Variants in GABRA3 observed in about 807,000 individuals in gnomAD.
GABRA3 encodes gamma-aminobutyric acid type A receptor subunit alpha3, also known as gamma-aminobutyric acid receptor subunit alpha-3.
GABRA3 carries 10 observed loss-of-function variants against 30.1 expected under a neutral mutation model. The observed-to-expected ratio is 0.33, with a 90% CI of 0.20 to 0.56. The LOEUF (loss-of-function observed/expected upper bound fraction) is 0.56. Ranked by LOEUF, GABRA3 falls within the 20% of genes least tolerant of loss-of-function variation. The pLI is 0.89. For synonymous variants in GABRA3, 151 were observed against 146.8 expected (o/e 1.03, Z -0.21); for missense variants, 233 against 392.0 (o/e 0.59, Z 3.42).
At chrX:152,390,117 A>G (rs1929437620) in intron 1 of GABRA3, among the ~76,000 whole-genome samples, 1 of 111,927 alleles carries the variant, frequency 8.9e-6, no homozygotes, top group Admixed American at 9.5e-5. Context: ...TGAACTTCTA[A>G]TATACAATCA....
At chrX:152,426,418 C>T (rs541532164) in intron 1 of GABRA3, among the ~76,000 whole-genome samples, 2 of 112,051 alleles carry the variant, frequency 1.8e-5, no homozygotes, top group African/African-American at 6.5e-5. Context: ...AGCACTCTTA[C>T]AATCATACTG....
intron 5 of GABRA3, among the ~76,000 whole-genome samples, chrX:152,233,146 G>A (rs1392612177): frequency 9.5e-6 from 1 of 104,816 alleles, no homozygotes; most frequent in African/African-American, 3.8e-5. Context: ...GGTTCATGAT[G>A]GGGTTGTTTG....
intron 1 of GABRA3, among the ~76,000 whole-genome samples, chrX:152,386,731 C>T (rs1286442939): frequency 9.1e-6 from 1 of 110,401 alleles, no homozygotes; most frequent in Non-Finnish European, 1.9e-5. Context: ...TTGTGGAAGT[C>T]AGTGTGGCGA....
At chrX:152,378,037 G>C (rs1412464515) in intron 1 of GABRA3, among the ~76,000 whole-genome samples, 1 of 112,242 alleles carries the variant, frequency 8.9e-6, no homozygotes, top group Non-Finnish European at 1.9e-5. Flanking sequence ...TCACATTAAT[G>C]TTTGATCCAA....
chrX:152,206,122 G>C (rs970288733), intron 7 of GABRA3, among the ~76,000 whole-genome samples: 1 of 112,678 alleles, frequency 8.9e-6, no homozygotes, highest in Non-Finnish European at 1.9e-5. Flanking sequence ...GGACAGACGG[G>C]GAGGTGAGGG....
chrX:152,411,158 A>T (rs1412325735), intron 1 of GABRA3, among the ~76,000 whole-genome samples: 1 of 110,710 alleles, frequency 9.0e-6, no homozygotes. Context: ...AAATTAAAAA[A>T]TAAGAAATCA....
chrX:152,267,180 G>C (rs11797397), intron 4 of GABRA3, among the ~76,000 whole-genome samples: 12,809 of 111,498 alleles, frequency 0.11, 584 homozygotes, highest in African/African-American at 0.15. Flanking sequence ...TTTGAGTTAT[G>C]TTCCTTCTAT....
intron 1 of GABRA3, among the ~76,000 whole-genome samples, chrX:152,397,047 G>A (rs932455823): frequency 3.6e-5 from 4 of 111,684 alleles, no homozygotes; most frequent in African/African-American, 6.5e-5. Context: ...ATAGAATCAC[G>A]CAACATATCA....
intron 5 of GABRA3, among the ~76,000 whole-genome samples, chrX:152,254,307 G>A (rs907230020): frequency 1.5e-4 from 16 of 108,977 alleles, no homozygotes; most frequent in Non-Finnish European, 2.9e-4. Context: ...CATTATATTC[G>A]CCTATCTCTT....
chrX:152,374,319 A>G (rs777940345), intron 1 of GABRA3, among the ~76,000 whole-genome samples: 1 of 98,154 alleles, frequency 1.0e-5, no homozygotes, highest in African/African-American at 3.7e-5. Context: ...ACCATTCGTC[A>G]ATTTTTTCTT....
rs766236447 is a variant in GABRA3, at chrX:152,353,347, T to C, written c.141-7645A>G. Among the ~76,000 whole-genome samples the C allele has an allele frequency of 7.1e-5, 8 of 112,086 alleles. 1 individual carries two copies. In the South Asian group the frequency reaches 2.9e-3, roughly 41 times the overall value. On this transcript the variant is annotated intron_variant, in intron 2 of 9. Coordinates refer to ENST00000370314, the MANE Select transcript of GABRA3 (RefSeq NM_000808.4). The stretch of plus-strand genomic sequence containing the variant: ...GTAGACATATGATTCCATGTGACCA[T>C]AAGCAGACATATCGCAATTTAAAAT...
chrX:152,447,837 C>T (rs1479103843), intron 1 of GABRA3, among the ~76,000 whole-genome samples: 2 of 111,658 alleles, frequency 1.8e-5, no homozygotes, highest in African/African-American at 6.5e-5. Context: ...ATTAGATGGG[C>T]AGGTAGCCTA....
rs200749137 is a variant in GABRA3 at position 152,189,740 on chromosome X, A to G, written c.1133T>C (p.Leu378Pro). ...TTTGCTATATCTCACCTTCATCTCC[A>G]GGGCCTCTGGCACCTTCTTGCCTTC... ...AWEGKKVPEA[L>P]EMKKKTPAAP... The change falls in exon 9 of 10, where the codon CTG (leucine) becomes CCG (proline). Residue 378 changes from leucine (L) to proline (P), a missense_variant. Physicochemically the swap from Leu to Pro is moderately conservative, Grantham distance 98. Around this residue, in one of 6 missense-constraint regions of GABRA3, gnomAD observed 66 missense variants for 57.1 expected, o/e 1.16. Coordinates refer to ENST00000370314, the MANE Select transcript of GABRA3 (RefSeq NM_000808.4). 1.8e-5 allele frequency: 22 copies of G among 1,200,712 alleles called. 1 individual carries two copies. The highest frequency in any genetic ancestry group is 2.5e-5 in the Non-Finnish European group (22 of 888,739).
chrX:152,221,312 A>G (rs1360509442), intron 6 of GABRA3, among the ~76,000 whole-genome samples: 1 of 106,325 alleles, frequency 9.4e-6, no homozygotes, highest in Non-Finnish European at 1.9e-5. Flanking sequence ...GTAAGAGTCA[A>G]GATGAATCTC....
chrX:152,350,141 G>T (rs1039644333), intron 2 of GABRA3, among the ~76,000 whole-genome samples: 8 of 104,764 alleles, frequency 7.6e-5, no homozygotes, highest in Admixed American at 3.1e-4. Flanking sequence ...TAGAACTCAG[G>T]ATTAAGAATC....
chrX:152,262,401 T>G (rs1342553512), intron 4 of GABRA3, among the ~76,000 whole-genome samples: 1 of 112,556 alleles, frequency 8.9e-6, no homozygotes. Flanking sequence ...CAAACTTTTA[T>G]GCTCTGTCAC....
intron 3 of GABRA3, among the ~76,000 whole-genome samples, 167 bp from the exon 4 acceptor site, chrX:152,284,902 G>A (rs1939265730): frequency 9.0e-6 from 1 of 111,544 alleles, no homozygotes; most frequent in Admixed American, 9.6e-5. Context: ...AACATGCTAG[G>A]TACAGACTCA....
At position 152,420,738 on chromosome X, in the gene GABRA3, T is replaced by C. The variant is rs753570969; in HGVS notation, c.-27+30408A>G. 9.9e-5 allele frequency among the ~76,000 whole-genome samples: 11 copies of C among 111,359 alleles called. No individual in the cohort carries two copies. In the South Asian group the frequency reaches 1.1e-3, roughly 11 times the overall value. On this transcript the variant is annotated intron_variant, in intron 1 of 9. Coordinates refer to ENST00000370314, the MANE Select transcript of GABRA3 (RefSeq NM_000808.4). ...ACCAGATTAATTAATTGGTTAACTTTTGGATATCCACATAGAAATGAATAA... is the reference window on the plus strand; with the variant it reads ...ACCAGATTAATTAATTGGTTAACTTCTGGATATCCACATAGAAATGAATAA...
chrX:152,381,605 G>A (rs141049556), intron 1 of GABRA3, among the ~76,000 whole-genome samples: 37 of 110,873 alleles, frequency 3.3e-4, no homozygotes, highest in African/African-American at 1.2e-3. Context: ...TGTGCAGAAC[G>A]TGGAGGTTTG....
Sources: gnomAD v4.1 joint callset for allele counts (sites outside exome capture counted in the v4.1 genomes callset) on GRCh38, gnomAD v4.1.1 for gene constraint, gnomAD v4.1.1 regional missense constraint, MANE v1.5 for transcripts, NCBI Gene and HGNC (gene_info 2026-07-23, HGNC 2026-07-21) for gene names.